The following RBFOX2 variants were observed in gnomAD, a reference collection of about 807,000 sequenced individuals.
The protein encoded by RBFOX2 is RNA binding protein fox-1 homolog 2.
Under a neutral mutation model 49.1 loss-of-function variants are expected in RBFOX2, and 10 were observed. That is an observed-to-expected ratio of 0.20 (90% CI 0.13 to 0.35). The LOEUF is 0.35. Ranked by LOEUF, RBFOX2 falls within the 10% of genes least tolerant of loss-of-function variation. RBFOX2 has a pLI of 1.00. For missense variants in RBFOX2, 323 were observed against 486.9 expected (o/e 0.66, Z 3.17); for synonymous variants, 183 against 187.4 (o/e 0.98, Z 0.19).
At chr22:35,954,067 C>A (rs1298271399) in intron 1 of RBFOX2, among the ~76,000 whole-genome samples, 2 of 151,962 alleles carry the variant, frequency 1.3e-5, no homozygotes, top group African/African-American at 2.4e-5. Flanking sequence ...ATATAACACA[C>A]AATATATATG....
At chr22:35,933,926 T>TTATATATATATATATATA (rs3075245) in intron 1 of RBFOX2, among the ~76,000 whole-genome samples, 10 of 118,004 alleles carry the variant, frequency 8.5e-5, no homozygotes, top group African/African-American at 3.9e-4. Context: ...TAATTAAATG[T>TTATATATATATATATATA]TATATATATA....
At chr22:35,857,552 A>C (rs16996142) in intron 1 of RBFOX2, among the ~76,000 whole-genome samples, 1,956 of 152,326 alleles carry the variant, frequency 0.013, 41 homozygotes, top group African/African-American at 0.045. Context: ...GAGAAGGTAT[A>C]ACAGGTACTC....
intron 1 of RBFOX2, among the ~76,000 whole-genome samples, chr22:35,934,661 C>A (rs1254462500): frequency 6.6e-6 from 1 of 152,106 alleles, no homozygotes; most frequent in African/African-American, 2.4e-5. Flanking sequence ...AAGAGCCATC[C>A]CATATAAATA....
intron 1 of RBFOX2, among the ~76,000 whole-genome samples, chr22:35,853,292 TAAAAA>T (rs11289647): frequency 7.7e-6 from 1 of 129,820 alleles, no homozygotes. Flanking sequence ...AGCCTCTGTC[TAAAAA>T]AAAAAAAAAA....
At chr22:35,769,577 G>T (rs1457234045) in intron 4 of RBFOX2, among the ~76,000 whole-genome samples, 3 of 152,134 alleles carry the variant, frequency 2.0e-5, no homozygotes, top group Admixed American at 2.0e-4. Flanking sequence ...TATCTGCAAA[G>T]TGGTAAAGTC....
At chr22:35,931,668 A>T (rs1264888964) in intron 1 of RBFOX2, among the ~76,000 whole-genome samples, 1 of 152,120 alleles carries the variant, frequency 6.6e-6, no homozygotes, top group Non-Finnish European at 1.5e-5. Context: ...CCAGCTACTC[A>T]GGAGGCTGAG....
At chr22:35,766,494 A>C (rs1941000610) in intron 5 of RBFOX2, among the ~76,000 whole-genome samples, 1 of 152,110 alleles carries the variant, frequency 6.6e-6, no homozygotes, top group Non-Finnish European at 1.5e-5. Context: ...TAAAAAAAAA[A>C]CCTCTTCCTA....
At chr22:35,828,159 T>A (rs1490479793) in intron 1 of RBFOX2, among the ~76,000 whole-genome samples, 14 of 115,416 alleles carry the variant, frequency 1.2e-4, no homozygotes, top group Non-Finnish European at 1.7e-4. Context: ...AGAATCTGTC[T>A]CAAAAAAAAA....
intron 1 of RBFOX2, among the ~76,000 whole-genome samples, chr22:35,862,232 T>A (rs1165720259): frequency 6.6e-6 from 1 of 152,218 alleles, no homozygotes; most frequent in South Asian, 2.1e-4. Flanking sequence ...TATATACATA[T>A]GCCAAAACCT....
intron 1 of RBFOX2, among the ~76,000 whole-genome samples, chr22:35,905,959 G>GT (rs1378566930): frequency 2.6e-5 from 4 of 152,148 alleles, no homozygotes; most frequent in Non-Finnish European, 5.9e-5. Context: ...AATCAGTAGA[G>GT]TAACATGCTG....
At chr22:35,955,892 A>G (rs1251370620) in intron 1 of RBFOX2, among the ~76,000 whole-genome samples, 2 of 152,232 alleles carry the variant, frequency 1.3e-5, no homozygotes, top group Non-Finnish European at 2.9e-5. Context: ...GAAATTTGGC[A>G]TTCCATGGAT....
intron 1 of RBFOX2, among the ~76,000 whole-genome samples, chr22:35,957,608 A>G (rs2055723463): frequency 6.6e-6 from 1 of 152,226 alleles, no homozygotes. Flanking sequence ...TGTTAGATAG[A>G]TAACATTATT....
chr22:35,935,196 A>G (rs547990749), intron 1 of RBFOX2, among the ~76,000 whole-genome samples: 25 of 152,254 alleles, frequency 1.6e-4, no homozygotes, highest in African/African-American at 4.8e-4. Context: ...TTGGCCTCCC[A>G]AAGTGCTGGG....
rs565218447 is a variant in RBFOX2 at position 35,877,902 on chromosome 22, T to A, written c.-34+60945A>T. Reference sequence around the variant, plus strand: ...AAAACCTCTAGAATTTGACAAATATTTATTGAACACCATTCATTATTCTAG... The same window carrying A: ...AAAACCTCTAGAATTTGACAAATATATATTGAACACCATTCATTATTCTAG... On this transcript the variant is annotated intron_variant, in intron 1 of 13. Transcript: ENST00000359369. Among the ~76,000 whole-genome samples the A allele has an allele frequency of 9.9e-5, 15 of 152,216 alleles. 1 individual carries two copies. The South Asian group carries it at 3.1e-3, about 32-fold the overall frequency.
exon 12 of RBFOX2, chr22:35,744,067 CT>C (rs1259119632): frequency 4.2e-6 from 3 of 722,034 alleles, no homozygotes; most frequent in Non-Finnish European, 4.0e-6. Context: ...AGTATTCTTT[CT>C]TTTTTTGTGT....
intron 1 of RBFOX2, among the ~76,000 whole-genome samples, chr22:36,009,161 A>G (rs2058722833): frequency 6.6e-6 from 1 of 152,194 alleles, no homozygotes; most frequent in Non-Finnish European, 1.5e-5. Flanking sequence ...TCCAGTCATC[A>G]TGTGTTTGCC....
intron 2 of RBFOX2, among the ~76,000 whole-genome samples, chr22:35,785,248 A>G (rs1050758040): frequency 6.6e-6 from 1 of 152,226 alleles, no homozygotes; most frequent in African/African-American, 2.4e-5. Context: ...TCCTCAAAAA[A>G]GTTATGTTGA....
intron 1 of RBFOX2, among the ~76,000 whole-genome samples, chr22:35,852,470 G>T (rs1757763675): frequency 6.8e-6 from 1 of 146,608 alleles, no homozygotes; most frequent in Non-Finnish European, 1.5e-5. Flanking sequence ...GGGCAACATA[G>T]TGACACCTTT....
intron 1 of RBFOX2, among the ~76,000 whole-genome samples, chr22:35,830,624 T>C (rs1268281436): frequency 1.3e-5 from 2 of 152,228 alleles, no homozygotes; most frequent in African/African-American, 4.8e-5. Context: ...CATGTGACTA[T>C]ACTGAATACT....
Sources: gnomAD v4.1 joint callset for allele counts (sites outside exome capture counted in the v4.1 genomes callset) on GRCh38, gnomAD v4.1.1 for gene constraint, MANE v1.5 for transcripts, NCBI Gene and HGNC (gene_info 2026-07-23, HGNC 2026-07-21) for gene names.